Variants in MAPKBP1 observed in about 807,000 individuals in gnomAD.
MAPKBP1 encodes the protein mitogen-activated protein kinase binding protein 1.
Under a neutral mutation model 170.5 loss-of-function variants are expected in MAPKBP1, and 71 were observed. The ratio of observed to expected loss-of-function variants is 0.42; its 90% CI spans 0.34 to 0.51. The LOEUF (loss-of-function observed/expected upper bound fraction) is 0.51, where lower values mean the gene tolerates loss of function less well. Among genes scored for constraint, MAPKBP1 ranks in the 20% least tolerant of loss-of-function variants. MAPKBP1 has a pLI of 0.06. For synonymous variants in MAPKBP1, 719 were observed against 757.9 expected (o/e 0.95, Z 0.84); for missense variants, 1,598 against 1,933.0 (o/e 0.83, Z 3.25).
At chr15:41,813,148 CAG>C (rs761102854) in intron 8 of MAPKBP1, 47 bp downstream of exon 8, 2 of 1,565,916 alleles carry the variant, frequency 1.3e-6, no homozygotes, top group South Asian at 1.2e-5. Context: ...TGTCTCAGCT[CAG>C]GGGAGAACTA....
intron 21 of MAPKBP1, 48 bp from the exon 22 acceptor site, chr15:41,819,547 C>CGGGGGGGG (rs3034893): frequency 2.8e-5 from 35 of 1,235,754 alleles, no homozygotes; most frequent in South Asian, 4.2e-5. Flanking sequence ...GGTTGGGTGG[C>CGGGGGGGG]GGGGGGGGGG....
chr15:41,819,649 G>A lies in MAPKBP1; in HGVS notation c.2480G>A (p.Arg827Gln), dbSNP rs577983461. Residue 827 changes from arginine (R) to glutamine (Q), a missense_variant and splice_region_variant, in exon 22 of 31, where the codon CGG becomes CAG. Physicochemically the swap from Arg to Gln is conservative, Grantham distance 43 (BLOSUM62 1). This residue lies in a region of MAPKBP1 where 942 missense variants were observed against 953.2 expected (regional missense o/e 0.99). Transcript: ENST00000457542. ...PRSLSHWEMS[R>Q]AQESVGFLDP... ...AGCCTGTCCCACTGGGAGATGAGTC[G>A]GGTGAGTCGCCATTGTTAAAATGTT... 6.9e-5 allele frequency: 111 copies of A among 1,609,696 alleles called. 1 individual carries two copies. In the South Asian group the frequency reaches 8.8e-4, roughly 13 times the overall value.
At chr15:41,779,519 G>GT (rs1472837067) in intron 2 of MAPKBP1, among the ~76,000 whole-genome samples, 2 of 151,640 alleles carry the variant, frequency 1.3e-5, no homozygotes, top group Non-Finnish European at 2.9e-5. Flanking sequence ...AGTTATTTTT[G>GT]TTTTTTGTAG....
In MAPKBP1 at chr15:41,819,051, G is replaced by A. The variant is rs1567153142; in HGVS notation, c.2291+94G>A. ...CTCCATGCTTTGGGCCTGCCATTCAGCAACTCTGTCTCCCAAGACCTTACC... is the reference window on the plus strand; with the variant it reads ...CTCCATGCTTTGGGCCTGCCATTCAACAACTCTGTCTCCCAAGACCTTACC... On this transcript the variant is annotated intron_variant, in intron 20 of 30. Transcript: ENST00000457542. 2.6e-6 allele frequency: 4 copies of A among 1,560,340 alleles called. No homozygotes were observed. The South Asian group carries it at 3.5e-5, about 14-fold the overall frequency.
At chr15:41,793,132 A>AT (rs1335027683) in intron 2 of MAPKBP1, among the ~76,000 whole-genome samples, 1 of 152,234 alleles carries the variant, frequency 6.6e-6, no homozygotes, top group East Asian at 1.9e-4. Context: ...AAAATGTAAA[A>AT]CAGTGCCATT....
intron 2 of MAPKBP1, among the ~76,000 whole-genome samples, chr15:41,788,712 A>G (rs1171817272): frequency 6.6e-6 from 1 of 152,242 alleles, no homozygotes; most frequent in African/African-American, 2.4e-5. Context: ...ATAGGTGAGT[A>G]GTAGGAAATA....
intron 3 of MAPKBP1, among the ~76,000 whole-genome samples, chr15:41,802,161 A>G (rs746664341): frequency 1.3e-5 from 2 of 152,298 alleles, no homozygotes; most frequent in Non-Finnish European, 2.9e-5. Context: ...AATATCATAT[A>G]AAATATATTT....
chr15:41,783,067 A>T (rs976701064), intron 2 of MAPKBP1, among the ~76,000 whole-genome samples: 1 of 152,208 alleles, frequency 6.6e-6, no homozygotes, highest in South Asian at 2.1e-4. Flanking sequence ...CCAGATGACC[A>T]GAAGCCACAA....
chr15:41,823,585 C>T lies in MAPKBP1; in HGVS notation c.3737C>T (p.Thr1246Ile), dbSNP rs2065040112. Residue 1246 changes from threonine (T) to isoleucine (I), a missense_variant, in exon 29 of 31, where the codon ACC becomes ATC. Thr to Ile is a moderately conservative substitution (Grantham distance 89). Around this residue, in one of 6 missense-constraint regions of MAPKBP1, gnomAD observed 942 missense variants for 953.2 expected, o/e 0.99. Transcript: ENST00000457542. ...CCTCACTCCTATCAGAACCCCACCACCAGTTCCATGGCCAAGATATCCCGC... is the reference window on the plus strand; with the variant it reads ...CCTCACTCCTATCAGAACCCCACCATCAGTTCCATGGCCAAGATATCCCGC... Reference protein sequence around the residue: ...SRPHSYQNPTTSSMAKISRSI... With the variant: ...SRPHSYQNPTISSMAKISRSI... 1 of 1,614,208 alleles carries T rather than the reference C, an allele frequency of 6.2e-7. No homozygotes were observed.
chr15:41,823,452 C>T lies in MAPKBP1; in HGVS notation c.3604C>T (p.His1202Tyr), dbSNP rs2065035471. The change falls in exon 29 of 31, where the codon CAT becomes TAT. Residue 1202 changes from histidine to tyrosine, a missense_variant. Coordinates refer to ENST00000457542, the MANE Select transcript of MAPKBP1 (RefSeq NM_014994.3). ...TACCTCTGTCTCCTTTGCAGAAAGA[C>T]ATGAGGCCAGTCTGCAGGCCCCTTC... is the stretch of plus-strand genomic sequence containing the variant. ...SVHSLVPQER[H>Y]EASLQAPSPG... is the part of the protein sequence containing the mutation. 2.5e-6 allele frequency: 4 copies of T among 1,610,358 alleles called. No individual in the cohort carries two copies. In the East Asian group the frequency reaches 6.7e-5, roughly 27 times the overall value.
chr15:41,784,626 A>G (rs750423858), intron 2 of MAPKBP1, among the ~76,000 whole-genome samples: 6 of 151,982 alleles, frequency 3.9e-5, no homozygotes, highest in Admixed American at 1.3e-4. Context: ...TACTAAAAGT[A>G]CAAAAATTAG....
rs1203342453 is a variant in MAPKBP1, at chr15:41,774,601, G to A, written c.-119G>A. The A allele has an allele frequency of 2.5e-6, 1 of 398,732 alleles. No homozygotes were observed. Among genetic ancestry groups the A allele is most frequent in the East Asian group, 3.6e-5 (1 of 28,080 alleles). 24.7% of individuals were successfully genotyped at this position (398,732 alleles called of 1,614,324 possible). ...GCTGTGAGCGGGGTGGCCTTAGCTC[G>A]CCGAGGCTGGTGAGGCTGGGCCCGA... On this transcript the variant is annotated 5_prime_UTR_variant, in exon 1 of 31. Coordinates refer to ENST00000457542, the MANE Select transcript of MAPKBP1 (RefSeq NM_014994.3).
intron 2 of MAPKBP1, among the ~76,000 whole-genome samples, chr15:41,792,700 C>T (rs1268837144): frequency 6.6e-6 from 1 of 152,236 alleles, no homozygotes; most frequent in Non-Finnish European, 1.5e-5. Context: ...GGTGTGTCTC[C>T]TGGGCTGTAT....
chr15:41,819,078 C>G, intron 20 of MAPKBP1, 121 bp downstream of exon 20: 2 of 1,496,276 alleles, frequency 1.3e-6, no homozygotes, highest in East Asian at 4.6e-5. Flanking sequence ...GACCTTACCT[C>G]TCACACAAGG....
chr15:41,778,353 G>C (rs912304448), intron 2 of MAPKBP1, among the ~76,000 whole-genome samples: 1 of 152,212 alleles, frequency 6.6e-6, no homozygotes, highest in Non-Finnish European at 1.5e-5. Context: ...AAGAACATAA[G>C]AGAGAAGAAG....
rs545799892 is a variant in MAPKBP1 at position 41,795,699 on chromosome 15, C to T, written c.115-4124C>T. Among the ~76,000 whole-genome samples, 15 of 152,274 alleles carry T rather than the reference C, an allele frequency of 9.9e-5. No individual in the cohort carries two copies. The South Asian group carries it at 1.2e-3, about 13-fold the overall frequency. ...TCGGTTCACTGTAAGCTCTGCCTCC[C>T]GGGTTCACACCATTGTCCTGCCTCA... On this transcript the variant is annotated intron_variant, in intron 2 of 30. Transcript: ENST00000457542.
intron 2 of MAPKBP1, among the ~76,000 whole-genome samples, 195 bp from the exon 3 acceptor site, chr15:41,799,628 C>T (rs943592699): frequency 6.6e-6 from 1 of 152,116 alleles, no homozygotes; most frequent in East Asian, 1.9e-4. Flanking sequence ...AGGTGATGCA[C>T]GCTGGGTTTT....
At chr15:41,820,768 G>A (rs1021329189) in intron 22 of MAPKBP1, 64 bp from the exon 23 acceptor site, 8 of 1,203,612 alleles carry the variant, frequency 6.6e-6, no homozygotes, top group Admixed American at 3.6e-5. Flanking sequence ...AGGGATATGT[G>A]GATATTTGTT....
chr15:41,814,663 G>A lies in MAPKBP1; in HGVS notation c.1094G>A (p.Trp365Ter), dbSNP rs1387970038. The A allele has an allele frequency of 6.2e-7, 1 of 1,614,194 alleles. No homozygotes were observed. The highest frequency in any genetic ancestry group is 1.7e-5 in the Admixed American group (1 of 60,026). The change falls in exon 10 of 31, where the codon TGG becomes TAG. Residue 365 changes from tryptophan to a stop codon, truncating the protein, a stop_gained. Transcript: ENST00000457542. LOFTEE classifies it high-confidence loss of function. ...CVYNDHSIYVWDVRDPKKVGK... is the reference protein window; with the variant it reads ...CVYNDHSIYV ...TACAACGATCATAGCATTTATGTTTGGGATGTGAGGGACCCCAAGAAAGTG... is the reference window on the plus strand; with the variant it reads ...TACAACGATCATAGCATTTATGTTTAGGATGTGAGGGACCCCAAGAAAGTG...
Sources: gnomAD v4.1 joint callset for allele counts (sites outside exome capture counted in the v4.1 genomes callset) on GRCh38, gnomAD v4.1.1 for gene constraint, gnomAD v4.1.1 regional missense constraint, MANE v1.5 for transcripts, NCBI Gene and HGNC (gene_info 2026-07-23, HGNC 2026-07-21) for gene names.